Variants in MCU observed in about 807,000 individuals in gnomAD.
MCU encodes the protein mitochondrial calcium uniporter.
In MCU, 12 loss-of-function variants were observed where a neutral mutation model predicts 45.2. The ratio of observed to expected loss-of-function variants is 0.27; its 90% CI spans 0.17 to 0.43. The LOEUF (loss-of-function observed/expected upper bound fraction) is 0.43. Ranked by LOEUF, MCU falls within the 20% of genes least tolerant of loss-of-function variation. The probability of loss-of-function intolerance (pLI) is 1.00; values close to 1 mark genes in which losing one functional copy is unlikely to be tolerated. For missense variants in MCU, 324 were observed against 436.7 expected, an observed-to-expected ratio of 0.74 and a Z score of 2.30; for synonymous variants, 160 against 165.1, an observed-to-expected ratio of 0.97 and a Z score of 0.24.
chr10:72,872,439 C>G (rs896539462), intron 6 of MCU, among the ~76,000 whole-genome samples: 1 of 152,184 alleles, frequency 6.6e-6, no homozygotes, highest in Non-Finnish European at 1.5e-5. Flanking sequence ...AAACATTATT[C>G]TCCTCTCTAC....
intron 1 of MCU, among the ~76,000 whole-genome samples, chr10:72,794,620 C>A (rs1473419302): frequency 6.6e-6 from 1 of 152,182 alleles, no homozygotes; most frequent in Non-Finnish European, 1.5e-5. Flanking sequence ...GATATAATTT[C>A]TTTTAAATCT....
intron 1 of MCU, among the ~76,000 whole-genome samples, chr10:72,726,291 C>T (rs935751114): frequency 1.5e-4 from 21 of 138,644 alleles, no homozygotes; most frequent in Admixed American, 7.0e-5. Flanking sequence ...GTGTGTAGTT[C>T]GTTCTGTAAA....
In MCU at chr10:72,887,338, C is replaced by T. The variant is rs1416985637; in HGVS notation, c.*1516C>T. ...CTGCTACTCCTGCCAACACCCCTTT[C>T]ATTGGCATGACGGAATGAAAGGATG... On this transcript the variant is annotated 3_prime_UTR_variant, in exon 8 of 8. Transcript: ENST00000373053. 6.5e-6 allele frequency: 1 copy of T among 152,812 alleles called. No homozygotes were observed. Among genetic ancestry groups the T allele is most frequent in the Non-Finnish European group, 1.5e-5 (1 of 68,062 alleles). 9.5% of individuals were successfully genotyped at this position (152,812 alleles called of 1,614,324 possible).
intron 1 of MCU, among the ~76,000 whole-genome samples, chr10:72,821,668 G>A (rs983048379): frequency 2.6e-5 from 4 of 152,036 alleles, no homozygotes; most frequent in African/African-American, 9.7e-5. Context: ...AACTTTACAA[G>A]GATAGAATAT....
At chr10:72,805,790 A>C (rs1041234220) in intron 1 of MCU, among the ~76,000 whole-genome samples, 8 of 152,250 alleles carry the variant, frequency 5.3e-5, no homozygotes, top group African/African-American at 1.9e-4. Context: ...ATAGAGCAAC[A>C]GTCTAGTAGA....
At chr10:72,854,129 C>T (rs1845251383) in intron 2 of MCU, among the ~76,000 whole-genome samples, 1 of 151,172 alleles carries the variant, frequency 6.6e-6, no homozygotes, top group Non-Finnish European at 1.5e-5. Flanking sequence ...GACTCTGTCT[C>T]AAAAATAAAA....
intron 1 of MCU, among the ~76,000 whole-genome samples, chr10:72,751,837 ACTTT>A (rs1258932292): frequency 4.0e-5 from 6 of 148,532 alleles, no homozygotes; most frequent in Non-Finnish European, 7.4e-5. Flanking sequence ...CATGTGACAG[ACTTT>A]CTTTTTTTTT....
intron 1 of MCU, among the ~76,000 whole-genome samples, chr10:72,756,130 T>G (rs1843573039): frequency 6.6e-6 from 1 of 152,014 alleles, no homozygotes; most frequent in African/African-American, 2.4e-5. Context: ...GGATTACAGG[T>G]GTGAACCACC....
chr10:72,701,647 C>A (rs1842759828), intron 1 of MCU, among the ~76,000 whole-genome samples: 1 of 152,130 alleles, frequency 6.6e-6, no homozygotes, highest in Non-Finnish European at 1.5e-5. Flanking sequence ...CTGCCTCATC[C>A]TCCCGAGTAG....
intron 1 of MCU, among the ~76,000 whole-genome samples, chr10:72,791,322 G>A (rs1431346913): frequency 6.6e-6 from 1 of 152,198 alleles, no homozygotes; most frequent in Non-Finnish European, 1.5e-5. Flanking sequence ...AGAATGGACT[G>A]AATTTTAATG....
intron 1 of MCU, among the ~76,000 whole-genome samples, chr10:72,804,039 T>A (rs1844384915): frequency 1.5e-5 from 1 of 68,024 alleles, no homozygotes; most frequent in African/African-American, 1.0e-4. Flanking sequence ...TATATATATA[T>A]ATATATATAT....
At chr10:72,747,495 G>A (rs1401985911) in intron 1 of MCU, among the ~76,000 whole-genome samples, 2 of 152,058 alleles carry the variant, frequency 1.3e-5, no homozygotes, top group Non-Finnish European at 2.9e-5. Flanking sequence ...TGCCTGTTAT[G>A]CCTGCTATTG....
At chr10:72,849,056 G>A (rs1315940668) in intron 2 of MCU, among the ~76,000 whole-genome samples, 1 of 151,928 alleles carries the variant, frequency 6.6e-6, no homozygotes, top group Non-Finnish European at 1.5e-5. Flanking sequence ...CGAGACGGGT[G>A]GATCACGAGG....
intron 1 of MCU, among the ~76,000 whole-genome samples, chr10:72,812,435 T>C (rs1844559216): frequency 6.6e-6 from 1 of 152,198 alleles, no homozygotes; most frequent in African/African-American, 2.4e-5. Flanking sequence ...CATGAGCCAC[T>C]GCGCCCATAC....
chr10:72,762,042 A>T (rs1462509712), intron 1 of MCU, among the ~76,000 whole-genome samples: 2 of 152,190 alleles, frequency 1.3e-5, no homozygotes, highest in Non-Finnish European at 1.5e-5. Flanking sequence ...CTGACAAAAT[A>T]TATTAGTACT....
At chr10:72,830,142 A>G (rs770898379) in intron 1 of MCU, among the ~76,000 whole-genome samples, 13 of 152,148 alleles carry the variant, frequency 8.5e-5, no homozygotes, top group Non-Finnish European at 1.8e-4. Flanking sequence ...CTATATACCA[A>G]CCACTCAGTT....
chr10:72,783,895 C>A (rs555105605), intron 1 of MCU, among the ~76,000 whole-genome samples: 81 of 152,214 alleles, frequency 5.3e-4, no homozygotes, highest in African/African-American at 1.9e-3. Flanking sequence ...TTACTTTGTT[C>A]TTGACTCTTT....
chr10:72,721,664 T>A (rs547879395), intron 1 of MCU, among the ~76,000 whole-genome samples: 1 of 152,340 alleles, frequency 6.6e-6, no homozygotes, highest in East Asian at 1.9e-4. Flanking sequence ...AAATATTATA[T>A]TCTCAGTAAG....
intron 1 of MCU, among the ~76,000 whole-genome samples, chr10:72,824,200 T>TC (rs1242470984): frequency 2.0e-5 from 3 of 148,312 alleles, no homozygotes; most frequent in African/African-American, 7.3e-5. Context: ...TTTCTTTCTT[T>TC]TTTTTTTTTT....
Sources: gnomAD v4.1 joint callset for allele counts (sites outside exome capture counted in the v4.1 genomes callset) on GRCh38, gnomAD v4.1.1 for gene constraint, MANE v1.5 for transcripts, NCBI Gene and HGNC (gene_info 2026-07-23, HGNC 2026-07-21) for gene names.